The following SORBS2 variants were observed in gnomAD, a reference collection of about 807,000 sequenced individuals.
The protein encoded by SORBS2 is sorbin and SH3 domain containing 2, also known as sorbin and SH3 domain-containing protein 2.
Under a neutral mutation model 97.7 loss-of-function variants are expected in SORBS2, and 46 were observed. The observed-to-expected ratio is 0.47, with a 90% CI of 0.37 to 0.60. SORBS2 has a LOEUF of 0.60. Among genes scored for constraint, SORBS2 ranks in the 20% least tolerant of loss-of-function variants. The pLI is 0.00. For synonymous variants in SORBS2, 476 were observed against 473.4 expected (o/e 1.01, Z -0.07); for missense variants, 1,316 against 1,282.3 (o/e 1.03, Z -0.40).
intron 4 of SORBS2, among the ~76,000 whole-genome samples, 162 bp from the exon 16 acceptor site, chr4:185,635,573 G>A (rs1407809021): frequency 1.3e-5 from 2 of 152,164 alleles, no homozygotes; most frequent in Admixed American, 1.3e-4. Flanking sequence ...CAAAATGGGG[G>A]CAGCTGGGAG....
At chr4:185,897,463 T>C (rs2149819380) in intron 1 of SORBS2, among the ~76,000 whole-genome samples, 1 of 152,330 alleles carries the variant, frequency 6.6e-6, no homozygotes, top group Middle Eastern at 3.4e-3. Flanking sequence ...AACCTAAGCA[T>C]AAAAATGGAC....
chr4:185,672,459 C>T (rs1221022374), intron 4 of SORBS2, among the ~76,000 whole-genome samples: 1 of 152,222 alleles, frequency 6.6e-6, no homozygotes, highest in Non-Finnish European at 1.5e-5. Flanking sequence ...TATACCTTCA[C>T]TTACTTGACA....
chr4:185,880,270 A>G (rs982007158), intron 1 of SORBS2, among the ~76,000 whole-genome samples: 1 of 152,224 alleles, frequency 6.6e-6, no homozygotes, highest in Non-Finnish European at 1.5e-5. Context: ...ATGTTAGTCT[A>G]GATGGTTGCA....
chr4:185,900,350 C>G (rs1202394745), intron 1 of SORBS2, among the ~76,000 whole-genome samples: 2 of 152,194 alleles, frequency 1.3e-5, no homozygotes, highest in Middle Eastern at 3.2e-3. Flanking sequence ...TTTAGGTTAA[C>G]AACGGGACTT....
chr4:185,862,079 G>A (rs2099224127), intron 1 of SORBS2, among the ~76,000 whole-genome samples: 3 of 152,208 alleles, frequency 2.0e-5, no homozygotes, highest in South Asian at 4.1e-4. Flanking sequence ...AGAGTATGCA[G>A]AGGAAGAAAA....
chr4:185,650,423 G>A (rs2097293994), intron 2 of SORBS2, among the ~76,000 whole-genome samples: 1 of 152,076 alleles, frequency 6.6e-6, no homozygotes, highest in South Asian at 2.1e-4. Flanking sequence ...TGCAAGGTGT[G>A]AAGCCATGGC....
chr4:185,896,886 C>T (rs1263734391), intron 1 of SORBS2, among the ~76,000 whole-genome samples: 2 of 123,492 alleles, frequency 1.6e-5, no homozygotes, highest in Non-Finnish European at 3.5e-5. Flanking sequence ...GCTGCTTACA[C>T]ATGGCCAAAA....
intron 4 of SORBS2, among the ~76,000 whole-genome samples, chr4:185,645,153 A>G (rs2097187485): frequency 6.6e-6 from 1 of 152,150 alleles, no homozygotes; most frequent in African/African-American, 2.4e-5. Context: ...ACGGCTACCA[A>G]AGCATTCCAA....
At chr4:185,866,139 C>T (rs2099226758) in intron 1 of SORBS2, among the ~76,000 whole-genome samples, 1 of 152,132 alleles carries the variant, frequency 6.6e-6, no homozygotes, top group Admixed American at 6.5e-5. Context: ...TAAAAGATTC[C>T]TGTCACCAGC....
chr4:185,664,515 C>T (rs1385874285), intron 4 of SORBS2, among the ~76,000 whole-genome samples: 4 of 152,116 alleles, frequency 2.6e-5, no homozygotes, highest in Non-Finnish European at 5.9e-5. Context: ...GGGAGGAACC[C>T]ACACCTGCTG....
At chr4:185,744,953 G>A (rs76676014) in intron 2 of SORBS2, among the ~76,000 whole-genome samples, 7,530 of 152,272 alleles carry the variant, frequency 0.049, 218 homozygotes, top group Middle Eastern at 0.11. Context: ...TATTGAAGTC[G>A]CCCAAACTGT....
intron 2 of SORBS2, among the ~76,000 whole-genome samples, chr4:185,749,848 C>T (rs185795921): frequency 3.2e-4 from 48 of 152,334 alleles, no homozygotes; most frequent in African/African-American, 1.1e-3. Flanking sequence ...AACGTCCACC[C>T]ATTAGGCTCC....
rs543196608 is a variant in SORBS2, at chr4:185,750,077, A to G, written c.-198+25150T>C. On this transcript the variant is annotated intron_variant, in intron 2 of 20. Transcript: ENST00000284776. ...TCAGATCTGCATGTTGCAGAAAGAC[A>G]CTACGTGCAGTGGACTAAAGCTGGA... Among the ~76,000 whole-genome samples, 3 of 152,366 alleles carry G rather than the reference A, an allele frequency of 2.0e-5. No individual in the cohort carries two copies. The East Asian group carries it at 5.8e-4, about 29-fold the overall frequency.
intron 3 of SORBS2, among the ~76,000 whole-genome samples, chr4:185,648,674 C>T (rs1331943522): frequency 6.6e-6 from 1 of 152,000 alleles, no homozygotes; most frequent in South Asian, 2.1e-4. Context: ...ATAGCATAGG[C>T]CTTGGGTTTA....
At chr4:185,939,549 T>C (rs1304173356) in intron 1 of SORBS2, among the ~76,000 whole-genome samples, 1 of 152,168 alleles carries the variant, frequency 6.6e-6, no homozygotes, top group Non-Finnish European at 1.5e-5. Context: ...GCACTCTTGT[T>C]GCCCAGGCTG....
intron 2 of SORBS2, among the ~76,000 whole-genome samples, chr4:185,688,314 T>A (rs1042304438): frequency 6.6e-6 from 1 of 152,114 alleles, no homozygotes; most frequent in Non-Finnish European, 1.5e-5. Flanking sequence ...AAGATTTAAA[T>A]AGGAATATAT....
chr4:185,737,712 G>A (rs2098696892), intron 2 of SORBS2, among the ~76,000 whole-genome samples: 1 of 152,184 alleles, frequency 6.6e-6, no homozygotes, highest in East Asian at 1.9e-4. Flanking sequence ...TATGAGGAAG[G>A]CAAGGACTTT....
upstream of SORBS2, among the ~76,000 whole-genome samples, chr4:185,658,853 T>G (rs2097457144): frequency 6.6e-6 from 1 of 151,742 alleles, no homozygotes; most frequent in Non-Finnish European, 1.5e-5. Flanking sequence ...TACAAAAAAT[T>G]TTTGTACAAA....
In SORBS2 at chr4:185,887,958, ATATGTGTGTGTG is replaced by A. The variant is rs70962601; in HGVS notation, c.-338+68226_-338+68237del. ...TCATGGATTCTCACATAGTATATAT[ATATGTGTGTGTG>A]TGTGTGTGTGTGTGTGTGTGTGTAC... On this transcript the variant is annotated intron_variant, in intron 1 of 20. Coordinates refer to the SORBS2 transcript ENST00000284776. Among the ~76,000 whole-genome samples, 1,087 of 149,118 alleles carry A rather than the reference ATATGTGTGTGTG, an allele frequency of 7.3e-3. 3 individuals carry two copies. Among genetic ancestry groups the A allele is most frequent in the Non-Finnish European group, 9.7e-3 (655 of 67,418 alleles).
Sources: allele counts gnomAD v4.1 joint callset (sites outside exome capture counted in the v4.1 genomes callset), GRCh38; gene constraint gnomAD v4.1.1; transcripts MANE v1.5; gene names NCBI Gene and HGNC (gene_info 2026-07-23, HGNC 2026-07-21).